The following ITGA11 variants were observed in gnomAD, a reference collection of about 807,000 sequenced individuals.
ITGA11 encodes integrin subunit alpha 11.
A neutral mutation model predicts 141.9 loss-of-function variants in ITGA11; 97 were observed. The observed-to-expected ratio is 0.68, with a 90% CI of 0.58 to 0.81. The LOEUF is 0.81. ITGA11 is among the 30% of genes least tolerant of loss of function. ITGA11 has a pLI of 0.00. For missense variants in ITGA11, 1,387 were observed against 1,559.2 expected, an observed-to-expected ratio of 0.89 and a Z score of 1.86; for synonymous variants, 658 against 624.6, an observed-to-expected ratio of 1.05 and a Z score of -0.80.
chr15:68,339,130 C>T (rs907520822), intron 11 of ITGA11, among the ~76,000 whole-genome samples: 5 of 152,346 alleles, frequency 3.3e-5, no homozygotes, highest in South Asian at 2.1e-4. Context: ...ACTCGACTTG[C>T]GTTTTGCCTT....
At chr15:68,383,199 A>G (rs1456450662) in intron 2 of ITGA11, among the ~76,000 whole-genome samples, 1 of 151,836 alleles carries the variant, frequency 6.6e-6, no homozygotes, top group African/African-American at 2.4e-5. Flanking sequence ...TGAACTCGGG[A>G]GGCAGAGCTT....
chr15:68,375,642 G>C (rs1895709569), intron 2 of ITGA11, among the ~76,000 whole-genome samples: 1 of 152,186 alleles, frequency 6.6e-6, no homozygotes, highest in Admixed American at 6.5e-5. Context: ...CTGGCCTCGT[G>C]GGGGCTAGGG....
intron 1 of ITGA11, among the ~76,000 whole-genome samples, chr15:68,406,807 A>G (rs1896660344): frequency 6.6e-6 from 1 of 152,202 alleles, no homozygotes; most frequent in African/African-American, 2.4e-5. Flanking sequence ...AAAAGGAGAA[A>G]GGAAATAATG....
At chr15:68,384,264 T>A (rs1353846156) in intron 2 of ITGA11, among the ~76,000 whole-genome samples, 44 of 132,630 alleles carry the variant, frequency 3.3e-4, no homozygotes, top group African/African-American at 4.5e-4. Flanking sequence ...GGTTTGGCAT[T>A]AAAAAAAAAA....
At chr15:68,426,607 T>C (rs1358647282) in intron 1 of ITGA11, among the ~76,000 whole-genome samples, 1 of 152,200 alleles carries the variant, frequency 6.6e-6, no homozygotes. Flanking sequence ...GTTTGCATAC[T>C]GATCTCAATT....
intron 2 of ITGA11, among the ~76,000 whole-genome samples, chr15:68,390,301 C>T (rs1896086661): frequency 6.6e-6 from 1 of 152,148 alleles, no homozygotes; most frequent in Non-Finnish European, 1.5e-5. Context: ...TTACTGCGGG[C>T]CCTTGACGTT....
At chr15:68,368,238 C>A (rs79319430) in intron 3 of ITGA11, among the ~76,000 whole-genome samples, 3,719 of 152,318 alleles carry the variant, frequency 0.024, 133 homozygotes, top group African/African-American at 0.082. Context: ...GGAGACCCCG[C>A]TCCTCGAAGG....
Position 68,303,740 on chromosome 15 carries a change from C to T in ITGA11, c.3495+32G>A. 2 of 1,484,490 alleles carry T rather than the reference C, an allele frequency of 1.3e-6. No individual in the cohort carries two copies. The highest frequency in any genetic ancestry group is 1.9e-6 in the Non-Finnish European group (2 of 1,067,872). The allele number at this position is 1,484,490 out of a possible 1,614,324, so 92.0% of individuals were successfully genotyped here. On this transcript the variant is annotated intron_variant, in intron 29 of 29. Transcript: ENST00000315757. The surrounding 1 kb of genome is among the most constrained non-coding windows in gnomAD (Gnocchi z 5.3). Reference sequence around the variant, plus strand: ...GAGCCTGGGCCCACCAGCCAGGATGCTGCTCCTTCCCTCCCCTGCCAGGGC... The same window carrying T: ...GAGCCTGGGCCCACCAGCCAGGATGTTGCTCCTTCCCTCCCCTGCCAGGGC...
rs997108898 is a variant in ITGA11, at chr15:68,305,719, G to A, written c.3381+1629C>T. Among the ~76,000 whole-genome samples the A allele has an allele frequency of 6.6e-6, 1 of 152,186 alleles. No individual in the cohort carries two copies. Among genetic ancestry groups the A allele is most frequent in the Non-Finnish European group, 1.5e-5 (1 of 68,038 alleles). ...TGGGGACAGTGCCTCACAGTGTTGA[G>A]AGGTCTGTCACCATGTTCAGCACAC... On this transcript the variant is annotated intron_variant, in intron 28 of 29. Coordinates refer to ENST00000315757, the MANE Select transcript of ITGA11 (RefSeq NM_001004439.2). The surrounding 1 kb of genome is among the most constrained non-coding windows in gnomAD (Gnocchi z 4.6).
chr15:68,383,565 T>C (rs894741711), intron 2 of ITGA11, among the ~76,000 whole-genome samples: 7 of 152,296 alleles, frequency 4.6e-5, no homozygotes, highest in East Asian at 1.9e-4. Flanking sequence ...CTGAGTGATA[T>C]CTACAGGAAG....
rs781573214 is a variant in ITGA11, at chr15:68,326,738, G to A, written c.2127C>T (p.Asp709=). Residue 709 remains aspartate, a synonymous_variant, in exon 17 of 30, where the codon GAC becomes GAT. Coordinates refer to ENST00000315757, the MANE Select transcript of ITGA11 (RefSeq NM_001004439.2). This position sits in a 1 kb window ranked among gnomAD's most constrained non-coding sequence, Gnocchi z 6.8. ...TGTTGGTGAATCGGTCCCCGCCCTCGTCCAGGTGGGCCCTCGGTGTATACC... is the reference window on the plus strand; with the variant it reads ...TGTTGGTGAATCGGTCCCCGCCCTCATCCAGGTGGGCCCTCGGTGTATACC... ...ERRYTPRAHL[D]EGGDRFTNRA... is the part of the protein sequence containing the mutation. The A allele has an allele frequency of 1.9e-5, 30 of 1,582,298 alleles. No individual in the cohort carries two copies. Among genetic ancestry groups the A allele is most frequent in the South Asian group, 2.3e-5 (2 of 86,072 alleles).
At chr15:68,394,158 T>A (rs1896179660) in intron 2 of ITGA11, among the ~76,000 whole-genome samples, 1 of 152,132 alleles carries the variant, frequency 6.6e-6, no homozygotes, top group African/African-American at 2.4e-5. Context: ...CTAGCTTGAA[T>A]CAGTAAGAAA....
At position 68,302,115 on chromosome 15, in the gene ITGA11, T is replaced by TGTGTGTGTGTGTGTGTG. The variant is rs1555444826; in HGVS notation, c.*943_*944insCACACACACACACACAC. The TGTGTGTGTGTGTGTGTG allele has an allele frequency of 3.0e-5, 4 of 133,162 alleles. No homozygotes were observed. Among genetic ancestry groups the TGTGTGTGTGTGTGTGTG allele is most frequent in the East Asian group, 2.2e-4 (1 of 4,610 alleles). The allele number at this position is 133,162 out of a possible 1,614,324, so 8.2% of individuals were successfully genotyped here. A position where few individuals can be genotyped will look rare whatever the true frequency, so the allele number is the denominator to read the frequency against. Reference sequence around the variant, plus strand: ...GTGTGTGTGTGTGTGTGTGTGTGTGTAGGGAGGGGGTGATACAGGGAGGGG... The same window carrying TGTGTGTGTGTGTGTGTG: ...GTGTGTGTGTGTGTGTGTGTGTGTGTGTGTGTGTGTGTGTGTGAGGGAGGGGGTGATACAGGGAGGGG... On this transcript the variant is annotated 3_prime_UTR_variant, in exon 30 of 30. Transcript: ENST00000315757.
chr15:68,406,857 A>T (rs1399291858), intron 1 of ITGA11, among the ~76,000 whole-genome samples: 4 of 152,222 alleles, frequency 2.6e-5, no homozygotes, highest in African/African-American at 9.6e-5. Context: ...CTAGGCATCT[A>T]ACCGTGAGTT....
intron 8 of ITGA11, 48 bp from the exon 9 acceptor site, chr15:68,350,830 C>G (rs576844193): frequency 6.4e-7 from 1 of 1,573,518 alleles, no homozygotes; most frequent in Admixed American, 1.8e-5. Context: ...ATAGCACAGA[C>G]TTTCCCATAC....
chr15:68,355,272 A>G (rs117747719), intron 7 of ITGA11, among the ~76,000 whole-genome samples: 32 of 152,310 alleles, frequency 2.1e-4, no homozygotes, highest in Non-Finnish European at 4.0e-4. Context: ...AGGATGAGTA[A>G]GACAGCCACC....
At position 68,400,686 on chromosome 15, in the gene ITGA11, T is replaced by TA. The variant is rs1566938504; in HGVS notation, c.164+2231_164+2232insT. 3.0e-4 allele frequency among the ~76,000 whole-genome samples: 14 copies of TA among 47,430 alleles called. 1 individual carries two copies. The highest frequency in any genetic ancestry group is 1.6e-3 in the African/African-American group (13 of 8,386). 31.1% of individuals were successfully genotyped at this position (47,430 alleles called of 152,430 possible). Reference sequence around the variant, plus strand: ...TATATTATATATTATATAATAAATATTATATTATATATTATATAATAAATA... The same window carrying TA: ...TATATTATATATTATATAATAAATATATATATTATATATTATATAATAAATA... On this transcript the variant is annotated intron_variant, in intron 2 of 29. Transcript: ENST00000315757.
intron 11 of ITGA11, among the ~76,000 whole-genome samples, chr15:68,337,322 C>G (rs1291152135): frequency 6.6e-6 from 1 of 151,992 alleles, no homozygotes; most frequent in East Asian, 1.9e-4. Flanking sequence ...GCTGGGCCAG[C>G]CTCCCTGAAG....
At chr15:68,379,034 T>C (rs965756626) in intron 2 of ITGA11, among the ~76,000 whole-genome samples, 2 of 152,224 alleles carry the variant, frequency 1.3e-5, no homozygotes, top group African/African-American at 4.8e-5. Context: ...AGCCACTGAC[T>C]ATGCGGAATA....
Sources: allele counts gnomAD v4.1 joint callset (sites outside exome capture counted in the v4.1 genomes callset), GRCh38; gene constraint gnomAD v4.1.1; non-coding constraint Gnocchi (gnomAD v3.1); transcripts MANE v1.5; gene names NCBI Gene and HGNC (gene_info 2026-07-23, HGNC 2026-07-21).